AGBL4: variants seen among roughly 807,000 people sequenced by gnomAD.
The protein encoded by AGBL4 is AGBL carboxypeptidase 4.
AGBL4 carries 58 observed loss-of-function variants against 66.4 expected under a neutral mutation model. The ratio of observed to expected loss-of-function variants is 0.87; its 90% CI spans 0.71 to 1.09. The LOEUF (loss-of-function observed/expected upper bound fraction) is 1.09. Ranked by LOEUF, AGBL4 falls within the 50% of genes least tolerant of loss-of-function variation. The pLI, the probability that AGBL4 is intolerant of heterozygous loss-of-function variation, is 0.00. For synonymous variants in AGBL4, 234 were observed against 222.9 expected (o/e 1.05, Z -0.44); for missense variants, 579 against 631.0 (o/e 0.92, Z 0.88).
At position 48,836,794 on chromosome 1, in the gene AGBL4, A is replaced by G. The variant is rs372972095; in HGVS notation, c.634+30397T>C. ...GAAATGAGTAGAATGAGCCCAGGAG[A>G]TAAGGAAATAAATGTCAGTGTTTAA... On this transcript the variant is annotated intron_variant, in intron 6 of 13. Transcript: ENST00000371839. Among the ~76,000 whole-genome samples the G allele has an allele frequency of 8.5e-5, 13 of 152,164 alleles. 1 individual carries two copies. The highest frequency in any genetic ancestry group is 3.1e-4 in the African/African-American group (13 of 41,520).
At chr1:50,019,304 T>TCACACACACACA (rs796097397) in intron 1 of AGBL4, among the ~76,000 whole-genome samples, 80 of 46,876 alleles carry the variant, frequency 1.7e-3, no homozygotes, top group Non-Finnish European at 2.1e-3. Context: ...TCTCTCTCTC[T>TCACACACACACA]CTCACACACA....
intron 4 of AGBL4, among the ~76,000 whole-genome samples, chr1:49,140,827 T>C (rs1646103575): frequency 6.6e-6 from 1 of 152,218 alleles, no homozygotes. Flanking sequence ...GTCCTCTTTC[T>C]TTGGCAGTTT....
chr1:49,407,810 G>A (rs1318339494), intron 3 of AGBL4, among the ~76,000 whole-genome samples: 2 of 152,204 alleles, frequency 1.3e-5, no homozygotes, highest in East Asian at 3.8e-4. Flanking sequence ...AGTGATTTAT[G>A]AGGCATATCG....
At chr1:49,680,647 T>A (rs77326725) in intron 3 of AGBL4, among the ~76,000 whole-genome samples, 8,618 of 152,050 alleles carry the variant, frequency 0.057, 277 homozygotes, top group African/African-American at 0.078. Context: ...CTTTCAAAAA[T>A]TTTTTTTAAT....
intron 9 of AGBL4, among the ~76,000 whole-genome samples, chr1:48,598,027 T>A (rs1645021866): frequency 6.6e-6 from 1 of 152,082 alleles, no homozygotes; most frequent in African/African-American, 2.4e-5. Context: ...AAAGCAAGGA[T>A]GAGTGTATTG....
chr1:49,379,948 G>A (rs1475754782), intron 3 of AGBL4, among the ~76,000 whole-genome samples: 1 of 152,114 alleles, frequency 6.6e-6, no homozygotes, highest in East Asian at 1.9e-4. Context: ...CCTAAGACAG[G>A]GATGCCCTCT....
At chr1:48,829,571 C>T (rs1026187621) in intron 6 of AGBL4, among the ~76,000 whole-genome samples, 1 of 152,148 alleles carries the variant, frequency 6.6e-6, no homozygotes, top group African/African-American at 2.4e-5. Flanking sequence ...AAGGTTCTGT[C>T]TCATATTATT....
chr1:49,546,581 A>G (rs1227329803), intron 3 of AGBL4, among the ~76,000 whole-genome samples: 1 of 152,124 alleles, frequency 6.6e-6, no homozygotes, highest in African/African-American at 2.4e-5. Flanking sequence ...TCTTTAAGGA[A>G]TCTCCACACT....
chr1:49,166,271 C>T (rs973564495), intron 4 of AGBL4, among the ~76,000 whole-genome samples: 1 of 152,074 alleles, frequency 6.6e-6, no homozygotes, highest in Non-Finnish European at 1.5e-5. Context: ...ATGACCCACA[C>T]TAACAACAGC....
intron 3 of AGBL4, among the ~76,000 whole-genome samples, chr1:49,288,615 A>C (rs1019714322): frequency 6.6e-6 from 1 of 152,330 alleles, no homozygotes; most frequent in Admixed American, 6.5e-5. Flanking sequence ...ACAAGTAGAA[A>C]GTGGTACCTA....
At chr1:49,422,378 G>A (rs749238518) in intron 3 of AGBL4, among the ~76,000 whole-genome samples, 2 of 152,048 alleles carry the variant, frequency 1.3e-5, no homozygotes, top group Non-Finnish European at 1.5e-5. Flanking sequence ...TGATTTTCAG[G>A]GAAATTCATT....
intron 2 of AGBL4, among the ~76,000 whole-genome samples, chr1:49,703,488 G>GA (rs1647139172): frequency 6.7e-6 from 1 of 149,946 alleles, no homozygotes; most frequent in Admixed American, 6.7e-5. Context: ...AGTAGATGCT[G>GA]AAAAAACATT....
At chr1:48,942,429 T>C (rs1656073645) in intron 5 of AGBL4, among the ~76,000 whole-genome samples, 1 of 152,148 alleles carries the variant, frequency 6.6e-6, no homozygotes, top group South Asian at 2.1e-4. Flanking sequence ...ATCTCTCAAG[T>C]CATCAGATTC....
intron 4 of AGBL4, among the ~76,000 whole-genome samples, chr1:49,205,252 G>A (rs1648039774): frequency 6.6e-6 from 1 of 151,992 alleles, no homozygotes; most frequent in Non-Finnish European, 1.5e-5. Flanking sequence ...CTCTTTCAAG[G>A]ACACAGAGGA....
intron 3 of AGBL4, among the ~76,000 whole-genome samples, chr1:49,347,804 G>C (rs1056308700): frequency 6.6e-6 from 1 of 151,546 alleles, no homozygotes; most frequent in African/African-American, 2.4e-5. Flanking sequence ...ACGTTGCAGT[G>C]AGCCAAGATC....
At chr1:48,580,157 G>C (rs1171307567) in intron 11 of AGBL4, among the ~76,000 whole-genome samples, 1 of 152,152 alleles carries the variant, frequency 6.6e-6, no homozygotes, top group Non-Finnish European at 1.5e-5. Context: ...ACCCCAACAG[G>C]GGTAAACCAT....
At position 49,793,049 on chromosome 1, in the gene AGBL4, A is replaced by G. The variant is rs370902822; in HGVS notation, c.157+58347T>C. Among the ~76,000 whole-genome samples, 52 of 152,172 alleles carry G rather than the reference A, an allele frequency of 3.4e-4. 1 individual carries two copies. The South Asian group carries it at 9.5e-3, about 28-fold the overall frequency. ...TTTGTTGCATAAATGACTACCACCT[A>G]ACCAAACAATGGAAGTCCATTACTC... On this transcript the variant is annotated intron_variant, in intron 2 of 13. Transcript: ENST00000371839.
At chr1:48,707,814 C>G (rs1427395307) in intron 6 of AGBL4, among the ~76,000 whole-genome samples, 1 of 152,172 alleles carries the variant, frequency 6.6e-6, no homozygotes, top group East Asian at 1.9e-4. Flanking sequence ...AGCTGTCTAT[C>G]AGGTTCTCAC....
At chr1:49,334,170 T>C (rs1034111020) in intron 3 of AGBL4, among the ~76,000 whole-genome samples, 2 of 152,188 alleles carry the variant, frequency 1.3e-5, no homozygotes, top group African/African-American at 4.8e-5. Context: ...ACAGTAAGCA[T>C]GGAAACTGGC....
Sources: gnomAD v4.1 joint callset for allele counts (sites outside exome capture counted in the v4.1 genomes callset) on GRCh38, gnomAD v4.1.1 for gene constraint, MANE v1.5 for transcripts, NCBI Gene and HGNC (gene_info 2026-07-23, HGNC 2026-07-21) for gene names.